PCNX4: variants seen among roughly 807,000 people sequenced by gnomAD.
PCNX4 encodes pecanex 4.
In PCNX4, 103 loss-of-function variants were observed where a neutral mutation model predicts 107.2. That is an observed-to-expected ratio of 0.96 (90% confidence interval 0.82 to 1.13). PCNX4 has a LOEUF of 1.13. Ranked by LOEUF, PCNX4 falls within the 50% of genes most tolerant of loss-of-function variation. PCNX4 has a pLI of 0.00. For missense variants in PCNX4, 1,528 were observed against 1,379.4 expected (o/e 1.11, Z -1.71); for synonymous variants, 541 against 481.7 (o/e 1.12, Z -1.61).
chr14:60,102,255 A>G (rs193105823), intron 1 of PCNX4, among the ~76,000 whole-genome samples: 1 of 152,294 alleles, frequency 6.6e-6, no homozygotes, highest in Non-Finnish European at 1.5e-5. Context: ...AATCCTAACA[A>G]TACAGGAAAA....
At chr14:60,096,174 C>G (rs1286126969) in intron 1 of PCNX4, among the ~76,000 whole-genome samples, 1 of 143,842 alleles carries the variant, frequency 7.0e-6, no homozygotes, top group Non-Finnish European at 1.6e-5. Flanking sequence ...AGTCATAAGT[C>G]AGATTATGTT....
In PCNX4 at chr14:60,115,784, T is replaced by G; in HGVS notation, c.1423T>G (p.Ser475Ala). Residue 475 changes from serine (S) to alanine (A), a missense_variant, in exon 5 of 11, where the codon TCT becomes GCT. By Grantham distance (99) the Ser-to-Ala change is moderately conservative. Coordinates refer to ENST00000406854, the MANE Select transcript of PCNX4 (RefSeq NM_001330177.2). ...DSSLQGLHSVSVCIGFTRAFR... is the reference protein window; with the variant it reads ...DSSLQGLHSVAVCIGFTRAFR... ...TTCCTTACAAGGGCTCCACTCAGTGTCTGTCTGTATTGGATTCACAAGAGC... is the reference window on the plus strand; with the variant it reads ...TTCCTTACAAGGGCTCCACTCAGTGGCTGTCTGTATTGGATTCACAAGAGC... 1 of 1,613,236 alleles carries G rather than the reference T, an allele frequency of 6.2e-7. No homozygotes were observed. Among genetic ancestry groups the G allele is most frequent in the African/African-American group, 1.3e-5 (1 of 75,048 alleles).
chr14:60,125,881 T>C, intron 10 of PCNX4, 58 bp downstream of exon 10: 2 of 1,134,812 alleles, frequency 1.8e-6, no homozygotes, highest in Non-Finnish European at 2.4e-6. Context: ...GGATATAAGT[T>C]ATAAAGTATT....
At position 60,105,171 on chromosome 14, in the gene PCNX4, A is replaced by T. The variant is rs567046553; in HGVS notation, c.-53-2415A>T. 2.6e-5 allele frequency among the ~76,000 whole-genome samples: 4 copies of T among 152,324 alleles called. 1 individual carries two copies. The East Asian group carries it at 7.7e-4, about 29-fold the overall frequency. Reference sequence around the variant, plus strand: ...TTGGATATTCAGATTTGTGATGCCTAACCTGTAGTATGTAGAACAAGCAGT... The same window carrying T: ...TTGGATATTCAGATTTGTGATGCCTTACCTGTAGTATGTAGAACAAGCAGT... On this transcript the variant is annotated intron_variant, in intron 1 of 10. Transcript: ENST00000406854.
chr14:60,125,924 C>T (rs1896047751), intron 10 of PCNX4, 101 bp downstream of exon 10: 5 of 765,690 alleles, frequency 6.5e-6, no homozygotes, highest in Admixed American at 8.1e-5. Flanking sequence ...AACGTTATAG[C>T]TGTGATATAT....
chr14:60,100,954 A>C (rs980729356), intron 1 of PCNX4, among the ~76,000 whole-genome samples: 1 of 152,184 alleles, frequency 6.6e-6, no homozygotes, highest in Non-Finnish European at 1.5e-5. Flanking sequence ...ATCAACTAAC[A>C]GTCAGGTACC....
intron 1 of PCNX4, among the ~76,000 whole-genome samples, chr14:60,102,119 G>A (rs142931909): frequency 6.6e-6 from 1 of 152,260 alleles, no homozygotes; most frequent in East Asian, 1.9e-4. Context: ...TTTTAATTAT[G>A]CAGGATGAAC....
intron 2 of PCNX4, among the ~76,000 whole-genome samples, chr14:60,113,245 C>T (rs562288693): frequency 1.3e-5 from 2 of 152,236 alleles, no homozygotes; most frequent in Non-Finnish European, 2.9e-5. Context: ...ATAGTCCTGA[C>T]ATCTATGTGA....
Position 60,134,037 on chromosome 14 carries a change from A to C in PCNX4, c.3335A>C (p.Glu1112Ala). Residue 1112 changes from glutamate to alanine, a missense_variant, in exon 11 of 11, where the codon GAA becomes GCA. Transcript: ENST00000406854. Reference sequence around the variant, plus strand: ...ATCCAAGTGGGAAAGTTAAATCCTGAAGCTGTTAGAGGTCAGTGGGCCAAT... The same window carrying C: ...ATCCAAGTGGGAAAGTTAAATCCTGCAGCTGTTAGAGGTCAGTGGGCCAAT... ...LLIQVGKLNP[E>A]AVRGQWANLS... 6.2e-7 allele frequency: 1 copy of C among 1,613,768 alleles called. No individual in the cohort carries two copies. Among genetic ancestry groups the C allele is most frequent in the East Asian group, 2.2e-5 (1 of 44,860 alleles).
At position 60,146,054 on chromosome 14, in the gene PCNX4, G is replaced by T. The variant is rs1896398630; in HGVS notation, c.*11833G>T. Reference sequence around the variant, plus strand: ...ATATATAAAATATAAAATAGTGGGAGAGAGGAAGAGTACAGACTATAAAGA... The same window carrying T: ...ATATATAAAATATAAAATAGTGGGATAGAGGAAGAGTACAGACTATAAAGA... On this transcript the variant is annotated 3_prime_UTR_variant, in exon 11 of 11. Coordinates refer to ENST00000406854, the MANE Select transcript of PCNX4 (RefSeq NM_001330177.2). This position sits in a 1 kb window ranked among gnomAD's most constrained non-coding sequence, Gnocchi z 4.9. The T allele has an allele frequency of 6.6e-6, 1 of 150,546 alleles. No individual in the cohort carries two copies. The highest frequency in any genetic ancestry group is 6.6e-5 in the Admixed American group (1 of 15,086). 9.3% of individuals were successfully genotyped at this position (150,546 alleles called of 1,614,324 possible). A position where few individuals can be genotyped will look rare whatever the true frequency, so the allele number is the denominator to read the frequency against.
At chr14:60,109,440 C>CTTTGT (rs1199467359) in intron 2 of PCNX4, 3 of 167,064 alleles carry the variant, frequency 1.8e-5, no homozygotes, top group South Asian at 4.2e-4. Flanking sequence ...TTGTTTGTTT[C>CTTTGT]TTTGTTTTGT....
Position 60,144,849 on chromosome 14 carries a change from A to G in PCNX4, c.*10628A>G. On this transcript the variant is annotated 3_prime_UTR_variant, in exon 11 of 11. Coordinates refer to ENST00000406854, the MANE Select transcript of PCNX4 (RefSeq NM_001330177.2). ...CATTCCATGTTGGAAGCAAAGTCAT[A>G]TCTATTAAAAAGTAAAATCACAAAT... The G allele has an allele frequency of 1.2e-6, 1 of 854,774 alleles. No individual in the cohort carries two copies. The highest frequency in any genetic ancestry group is 1.9e-6 in the Non-Finnish European group (1 of 516,978). 52.9% of individuals were successfully genotyped at this position (854,774 alleles called of 1,614,324 possible).
rs1366495909 is a variant in PCNX4, at chr14:60,116,053, T to G, written c.1571T>G (p.Leu524Arg). The G allele has an allele frequency of 6.2e-7, 1 of 1,604,850 alleles. No homozygotes were observed. Among genetic ancestry groups the G allele is most frequent in the African/African-American group, 1.3e-5 (1 of 74,498 alleles). Reference sequence around the variant, plus strand: ...AGAAGCCTGGATACAGGACTCAGACTCTTACTGGTAAGTGTGTCTTTTAAC... The same window carrying G: ...AGAAGCCTGGATACAGGACTCAGACGCTTACTGGTAAGTGTGTCTTTTAAC... ...WNRSLDTGLR[L>R]LLVGIIRDRL... The change falls in exon 6 of 11, where the codon CTC (leucine) becomes CGC (arginine). Residue 524 changes from leucine (L) to arginine (R), a missense_variant. Leu to Arg is a moderately radical substitution (Grantham distance 102). Coordinates refer to ENST00000406854, the MANE Select transcript of PCNX4 (RefSeq NM_001330177.2).
At chr14:60,105,494 C>T (rs867384364) in intron 1 of PCNX4, among the ~76,000 whole-genome samples, 3 of 152,140 alleles carry the variant, frequency 2.0e-5, no homozygotes, top group African/African-American at 4.8e-5. Flanking sequence ...TTTATACATA[C>T]GCAAACCATA....
rs939228138 is a variant in PCNX4 at position 60,132,472 on chromosome 14, A to G, written c.3268-1498A>G. On this transcript the variant is annotated intron_variant, in intron 10 of 10. Transcript: ENST00000406854. ...TATTTTTAAAATAACTCAAAAATACATCAAAGACCTAAACATAAGAGCCAT... is the reference window on the plus strand; with the variant it reads ...TATTTTTAAAATAACTCAAAAATACGTCAAAGACCTAAACATAAGAGCCAT... Among the ~76,000 whole-genome samples, 4 of 152,334 alleles carry G rather than the reference A, an allele frequency of 2.6e-5. 1 individual carries two copies. The highest frequency in any genetic ancestry group is 1.5e-5 in the Non-Finnish European group (1 of 68,020).
chr14:60,127,005 G>A (rs1896067079), intron 10 of PCNX4, among the ~76,000 whole-genome samples: 2 of 152,208 alleles, frequency 1.3e-5, no homozygotes, highest in South Asian at 4.1e-4. Context: ...ATTTTGCCCA[G>A]TGGGAGAAGC....
intron 1 of PCNX4, among the ~76,000 whole-genome samples, chr14:60,104,635 A>G (rs1037205189): frequency 4.6e-5 from 7 of 152,198 alleles, no homozygotes; most frequent in Non-Finnish European, 8.8e-5. Context: ...ATCATGGTGG[A>G]AGGTGAAAGG....
At position 60,133,987 on chromosome 14, in the gene PCNX4, A is replaced by C; in HGVS notation, c.3285A>C (p.Arg1095Ser). Residue 1095 changes from arginine (R) to serine (S), a missense_variant, in exon 11 of 11, where the codon AGA becomes AGC. Physicochemically the swap from Arg to Ser is moderately radical, Grantham distance 110. Transcript: ENST00000406854. ...CTTTAAAGGGAATTTACACTGGGAG[A>C]GTGCTTAGCCTTCAAGAATTATTGA... ...YDSNMGIYTG[R>S]VLSLQELLIQ... is the part of the protein sequence containing the mutation. 1 of 1,612,682 alleles carries C rather than the reference A, an allele frequency of 6.2e-7. No homozygotes were observed. Among genetic ancestry groups the C allele is most frequent in the Non-Finnish European group, 8.5e-7 (1 of 1,179,154 alleles).
chr14:60,093,676 A>G (rs781388714), intron 1 of PCNX4, among the ~76,000 whole-genome samples: 10 of 152,062 alleles, frequency 6.6e-5, no homozygotes, highest in Middle Eastern at 3.2e-3. Context: ...GTGTAGACAT[A>G]TATGTTTTTA....
Sources: gnomAD v4.1 joint callset for allele counts (sites outside exome capture counted in the v4.1 genomes callset) on GRCh38, gnomAD v4.1.1 for gene constraint, Gnocchi (gnomAD v3.1) non-coding constraint, MANE v1.5 for transcripts, NCBI Gene and HGNC (gene_info 2026-07-23, HGNC 2026-07-21) for gene names.